Variants in MEGF6 observed in about 807,000 individuals in gnomAD.
MEGF6 encodes the protein multiple epidermal growth factor-like domains protein 6.
MEGF6 carries 184 observed loss-of-function variants against 207.1 expected under a neutral mutation model. That is an observed-to-expected ratio of 0.89 (90% CI 0.79 to 1.00). The LOEUF (loss-of-function observed/expected upper bound fraction) is 1.00. Ranked by LOEUF, MEGF6 falls within the 50% of genes least tolerant of loss-of-function variation. The pLI, the probability that MEGF6 is intolerant of heterozygous loss-of-function variation, is 0.00. For synonymous variants in MEGF6, 1,038 were observed against 910.0 expected, an observed-to-expected ratio of 1.14 and a Z score of -2.53; for missense variants, 2,282 against 2,202.9, an observed-to-expected ratio of 1.04 and a Z score of -0.72.
At chr1:3,540,657 C>T (rs1213123195) in intron 4 of MEGF6, among the ~76,000 whole-genome samples, 1 of 152,240 alleles carries the variant, frequency 6.6e-6, no homozygotes, top group Non-Finnish European at 1.5e-5. Flanking sequence ...CTGGGAAGTC[C>T]AAGATCCAGG....
chr1:3,489,697 G>A lies in MEGF6; in HGVS notation c.*831C>T, dbSNP rs1429874287. Among the ~76,000 whole-genome samples the A allele has an allele frequency of 2.6e-5, 4 of 152,188 alleles. No homozygotes were observed. The highest frequency in any genetic ancestry group is 5.9e-5 in the Non-Finnish European group (4 of 68,020). ...CCCCCTGGGCCATTCTCTGGGAACA[G>A]CCAGTCTCTGGGTCTCAGCGGTAAT... is the stretch of plus-strand genomic sequence containing the variant. On this transcript the variant is annotated 3_prime_UTR_variant, in exon 37 of 37. Transcript: ENST00000356575.
At chr1:3,607,228 A>T (rs1471307840) in intron 1 of MEGF6, among the ~76,000 whole-genome samples, 2 of 150,468 alleles carry the variant, frequency 1.3e-5, no homozygotes, top group East Asian at 3.9e-4. Flanking sequence ...CCCCTTGCCA[A>T]CCCCACCCTG....
intron 4 of MEGF6, among the ~76,000 whole-genome samples, chr1:3,562,560 C>T (rs540042175): frequency 1.3e-5 from 2 of 152,348 alleles, no homozygotes; most frequent in South Asian, 2.1e-4. Flanking sequence ...GCCTCTGGCT[C>T]AGCCTCTGAG....
chr1:3,523,988 A>C (rs1200928231), intron 5 of MEGF6, 136 bp downstream of exon 5: 2 of 998,688 alleles, frequency 2.0e-6, no homozygotes, highest in African/African-American at 3.3e-5. Flanking sequence ...CATGCTCCGC[A>C]GGAAGGAGCC....
chr1:3,557,959 C>T (rs1011651194), intron 4 of MEGF6, among the ~76,000 whole-genome samples: 1 of 152,202 alleles, frequency 6.6e-6, no homozygotes, highest in Middle Eastern at 3.2e-3. Context: ...GTTGGGTGGT[C>T]TGCTGTGTAA....
At chr1:3,498,101 C>T (rs7547290) in intron 26 of MEGF6, among the ~76,000 whole-genome samples, 2,091 of 152,264 alleles carry the variant, frequency 0.014, 48 homozygotes, top group African/African-American at 0.047. Context: ...CCCTGAGCCC[C>T]AAAGCATCCT....
Position 3,594,529 on chromosome 1 carries a change from C to T in MEGF6, c.376+809G>A, listed in dbSNP as rs1318076696. ...CCTGTCCCTCACTGGCAGGATGCCACCTCGATTTTTTAGGGGAGGCCGGCT... is the reference window on the plus strand; with the variant it reads ...CCTGTCCCTCACTGGCAGGATGCCATCTCGATTTTTTAGGGGAGGCCGGCT... On this transcript the variant is annotated intron_variant, in intron 3 of 36. Coordinates refer to ENST00000356575, the MANE Select transcript of MEGF6 (RefSeq NM_001409.4). This position sits in a 1 kb window ranked among gnomAD's most constrained non-coding sequence, Gnocchi z 4.2. Among the ~76,000 whole-genome samples, 2 of 152,186 alleles carry T rather than the reference C, an allele frequency of 1.3e-5. No individual in the cohort carries two copies. Among genetic ancestry groups the T allele is most frequent in the Non-Finnish European group, 2.9e-5 (2 of 68,044 alleles).
intron 5 of MEGF6, among the ~76,000 whole-genome samples, chr1:3,521,719 G>C (rs563021202): frequency 6.6e-6 from 1 of 152,040 alleles, no homozygotes; most frequent in South Asian, 2.1e-4. Flanking sequence ...GGAAACTCCC[G>C]GGAGACCGAG....
chr1:3,587,274 C>T (rs758355296), intron 3 of MEGF6, among the ~76,000 whole-genome samples: 8 of 152,362 alleles, frequency 5.3e-5, no homozygotes, highest in Middle Eastern at 3.4e-3. Flanking sequence ...GGGCTGTCCT[C>T]GTGGAAAGAA....
intron 4 of MEGF6, among the ~76,000 whole-genome samples, chr1:3,569,034 C>T (rs902796327): frequency 3.9e-5 from 6 of 152,182 alleles, no homozygotes; most frequent in African/African-American, 1.2e-4. Context: ...GGCAGCTGCC[C>T]GGTACGGGTC....
At chr1:3,539,539 A>G (rs1035503713) in intron 4 of MEGF6, among the ~76,000 whole-genome samples, 10 of 152,184 alleles carry the variant, frequency 6.6e-5, no homozygotes, top group Middle Eastern at 3.4e-3. Flanking sequence ...GTCATGCAGG[A>G]GGCACCTGCC....
chr1:3,609,693 C>T (rs1644299703), intron 1 of MEGF6, among the ~76,000 whole-genome samples: 1 of 152,188 alleles, frequency 6.6e-6, no homozygotes, highest in Non-Finnish European at 1.5e-5. Context: ...ACAGCTTTGC[C>T]CCAGGGTCAC....
At chr1:3,613,724 T>C (rs897972389), upstream of MEGF6, among the ~76,000 whole-genome samples, 3 of 152,110 alleles carry the variant, frequency 2.0e-5, no homozygotes, top group African/African-American at 4.8e-5. Context: ...AAAAATCATA[T>C]AAAAGTAAGT....
chr1:3,588,022 G>C (rs1203898662), intron 3 of MEGF6, among the ~76,000 whole-genome samples: 2 of 11,598 alleles, frequency 1.7e-4, no homozygotes, highest in East Asian at 3.7e-3. Context: ...GGGGACAGGA[G>C]GGGGCAGGAG....
At chr1:3,590,438 G>A (rs117427662) in intron 3 of MEGF6, among the ~76,000 whole-genome samples, 1,836 of 152,318 alleles carry the variant, frequency 0.012, 44 homozygotes, top group East Asian at 0.11. Context: ...CACTGCACCC[G>A]GGCCACAGGC....
chr1:3,608,022 C>T (rs932112254), intron 1 of MEGF6, among the ~76,000 whole-genome samples: 1 of 148,954 alleles, frequency 6.7e-6, no homozygotes, highest in African/African-American at 2.4e-5. Context: ...CTGTGGGCGG[C>T]GGGGGTGAGG....
chr1:3,493,881 A>C lies in MEGF6; in HGVS notation c.4277T>G (p.Phe1426Cys). The C allele has an allele frequency of 3.8e-6, 6 of 1,593,650 alleles. No homozygotes were observed. In the South Asian group the frequency reaches 5.7e-5, roughly 15 times the overall value. ...FCERGCEPGS[F>C]GEGCHQRCDC... ...ACAGCGCTGGTGGCAGCCCTCTCCAAATGAACCTGGCTCACACCCTGGTGG... is the reference window on the plus strand; with the variant it reads ...ACAGCGCTGGTGGCAGCCCTCTCCACATGAACCTGGCTCACACCCTGGTGG... Residue 1426 changes from phenylalanine (F) to cysteine (C), a missense_variant, in exon 34 of 37, where the codon TTT (phenylalanine) becomes TGT (cysteine). By Grantham distance (205) the Phe-to-Cys change is radical. Transcript: ENST00000356575.
chr1:3,590,573 G>A (rs754484440), intron 3 of MEGF6, among the ~76,000 whole-genome samples: 5 of 152,186 alleles, frequency 3.3e-5, no homozygotes, highest in South Asian at 2.1e-4. Flanking sequence ...TCTCACGGGC[G>A]TTAGCCTACT....
the MEGF6 span, among the ~76,000 whole-genome samples, chr1:3,617,572 C>T: frequency 3.3e-5 from 5 of 152,242 alleles, no homozygotes; most frequent in African/African-American, 4.8e-5. Context: ...CAAACCACCA[C>T]GGCACACATT....
Sources: gnomAD v4.1 joint callset for allele counts (sites outside exome capture counted in the v4.1 genomes callset) on GRCh38, gnomAD v4.1.1 for gene constraint, Gnocchi (gnomAD v3.1) non-coding constraint, MANE v1.5 for transcripts, NCBI Gene and HGNC (gene_info 2026-07-23, HGNC 2026-07-21) for gene names.